Variants in GRID1 observed in about 807,000 individuals in gnomAD.
GRID1 encodes the protein glutamate ionotropic receptor delta type subunit 1.
A neutral mutation model predicts 98.0 loss-of-function variants in GRID1; 28 were observed. That is an observed-to-expected ratio of 0.29 (90% confidence interval 0.21 to 0.39). GRID1 has a LOEUF of 0.39. Among genes scored for constraint, GRID1 ranks in the 10% least tolerant of loss-of-function variants. GRID1 has a pLI of 1.00. For synonymous variants in GRID1, 553 were observed against 538.5 expected (o/e 1.03, Z -0.37); for missense variants, 1,111 against 1,340.5 (o/e 0.83, Z 2.67).
At chr10:85,868,762 T>A (rs1444661613) in intron 6 of GRID1, among the ~76,000 whole-genome samples, 1 of 152,212 alleles carries the variant, frequency 6.6e-6, no homozygotes, top group Non-Finnish European at 1.5e-5. Flanking sequence ...TTACCCTCTA[T>A]GCATGTGACT....
intron 4 of GRID1, among the ~76,000 whole-genome samples, chr10:85,937,782 G>C (rs906832940): frequency 6.6e-6 from 1 of 150,928 alleles, no homozygotes; most frequent in African/African-American, 2.5e-5. Flanking sequence ...CAAATGGGTA[G>C]AGGTCAGGAA....
intron 2 of GRID1, among the ~76,000 whole-genome samples, chr10:86,343,474 A>T (rs1270731807): frequency 6.6e-6 from 1 of 152,228 alleles, no homozygotes; most frequent in African/African-American, 2.4e-5. Context: ...AATTACTGTA[A>T]AATTATGAAT....
At chr10:86,345,720 G>A (rs145088467) in intron 2 of GRID1, among the ~76,000 whole-genome samples, 3 of 152,234 alleles carry the variant, frequency 2.0e-5, no homozygotes, top group East Asian at 1.9e-4. Flanking sequence ...GAGCCCCAGC[G>A]ATGTCCCCTC....
At position 85,916,113 on chromosome 10, in the gene GRID1, G is replaced by C; in HGVS notation, c.780+73C>G. On this transcript the variant is annotated intron_variant, in intron 5 of 15. Transcript: ENST00000327946. The surrounding 1 kb of genome is among the most constrained non-coding windows in gnomAD (Gnocchi z 4.0). ...CCCTAAGTCAGAATTGAACTGAAAAGAATCACACTGAGCTTTACAAGGGGC... is the reference window on the plus strand; with the variant it reads ...CCCTAAGTCAGAATTGAACTGAAAACAATCACACTGAGCTTTACAAGGGGC... 1 of 1,153,984 alleles carries C rather than the reference G, an allele frequency of 8.7e-7. No homozygotes were observed. The highest frequency in any genetic ancestry group is 1.3e-6 in the Non-Finnish European group (1 of 767,982). The allele number at this position is 1,153,984 out of a possible 1,614,324, so 71.5% of individuals were successfully genotyped here.
At chr10:86,336,831 T>G (rs1848228217) in intron 2 of GRID1, among the ~76,000 whole-genome samples, 1 of 149,304 alleles carries the variant, frequency 6.7e-6, no homozygotes, top group Non-Finnish European at 1.5e-5. Context: ...TGAGCCCTGC[T>G]GACTGCCTGG....
At chr10:85,772,004 A>G (rs1462543874) in intron 8 of GRID1, among the ~76,000 whole-genome samples, 1 of 152,168 alleles carries the variant, frequency 6.6e-6, no homozygotes, top group Non-Finnish European at 1.5e-5. Context: ...TCCACCCCAA[A>G]TCAACAGAAT....
intron 5 of GRID1, among the ~76,000 whole-genome samples, chr10:85,906,658 A>C (rs778885709): frequency 6.6e-6 from 1 of 152,222 alleles, no homozygotes; most frequent in Non-Finnish European, 1.5e-5. Context: ...CATGGGTCAA[A>C]GAAGGAATCC....
chr10:85,681,701 C>A (rs1472249344), intron 12 of GRID1, among the ~76,000 whole-genome samples: 1 of 152,166 alleles, frequency 6.6e-6, no homozygotes, highest in Non-Finnish European at 1.5e-5. Flanking sequence ...ACCTTCAGCC[C>A]ACGCACCTGA....
rs368436019 is a variant in GRID1 at position 86,254,122 on chromosome 10, T to C, written c.236-47474A>G. 2.0e-5 allele frequency among the ~76,000 whole-genome samples: 3 copies of C among 152,290 alleles called. No individual in the cohort carries two copies. In the East Asian group the frequency reaches 5.8e-4, roughly 29 times the overall value. On this transcript the variant is annotated intron_variant, in intron 2 of 15. Coordinates refer to ENST00000327946, the MANE Select transcript of GRID1 (RefSeq NM_017551.3). ...CACCCTCCTACACCACCTATGTGCATGACAGCAAACACCTTTCCTTAGCAC... is the reference window on the plus strand; with the variant it reads ...CACCCTCCTACACCACCTATGTGCACGACAGCAAACACCTTTCCTTAGCAC...
rs984191522 is a variant in GRID1 at position 85,600,099 on chromosome 10, G to A, written c.*2174C>T. On this transcript the variant is annotated 3_prime_UTR_variant, in exon 16 of 16. Transcript: ENST00000327946. ...GGAAACAGAGTTGGTGTGAGATAAG[G>A]CAGTGAGACCAGAGTTTGATTAAAA... The A allele has an allele frequency of 1.3e-5, 2 of 152,098 alleles. No homozygotes were observed. The highest frequency in any genetic ancestry group is 1.9e-4 in the East Asian group (1 of 5,140). 9.4% of individuals were successfully genotyped at this position (152,098 alleles called of 1,614,324 possible).
chr10:86,109,447 T>G (rs1447839954), intron 4 of GRID1, among the ~76,000 whole-genome samples: 1 of 152,208 alleles, frequency 6.6e-6, no homozygotes, highest in Non-Finnish European at 1.5e-5. Context: ...TGAGGAACAA[T>G]GGCCTGCCTC....
chr10:86,344,540 C>A (rs927919017), intron 2 of GRID1, among the ~76,000 whole-genome samples: 4 of 152,168 alleles, frequency 2.6e-5, no homozygotes, highest in African/African-American at 9.7e-5. Flanking sequence ...CCTCTGAGGC[C>A]GTGGTGGTCT....
intron 13 of GRID1, among the ~76,000 whole-genome samples, chr10:85,629,183 T>C (rs1293238422): frequency 6.6e-6 from 1 of 152,220 alleles, no homozygotes; most frequent in African/African-American, 2.4e-5. Context: ...TAATTTTGCA[T>C]CTCAAAAAGG....
chr10:85,985,314 T>C (rs1842595592), intron 4 of GRID1, among the ~76,000 whole-genome samples: 1 of 152,220 alleles, frequency 6.6e-6, no homozygotes, highest in South Asian at 2.1e-4. Context: ...GCCACTCTGA[T>C]TGAAAGTCCA....
intron 8 of GRID1, among the ~76,000 whole-genome samples, chr10:85,774,095 C>T (rs1169459292): frequency 1.3e-5 from 2 of 152,144 alleles, no homozygotes; most frequent in Admixed American, 6.5e-5. Context: ...CTACAGTCAC[C>T]AAAACAGCAT....
intron 8 of GRID1, among the ~76,000 whole-genome samples, chr10:85,785,062 T>C (rs11812538): frequency 0.13 from 19,998 of 152,214 alleles, 1,480 homozygotes; most frequent in Middle Eastern, 0.22. Context: ...CAGCATGGCT[T>C]CTGAACCAGT....
chr10:85,974,245 G>T lies in GRID1; in HGVS notation c.727-58006C>A, dbSNP rs117055644. Among the ~76,000 whole-genome samples the T allele has an allele frequency of 1.9e-3, 296 of 152,186 alleles. 2 individuals carry two copies. Among genetic ancestry groups the T allele is most frequent in the Non-Finnish European group, 3.2e-3 (215 of 68,028 alleles). ...AGTCAATATTTAGGAAAGAAATACC[G>T]AGGGAAAGTCACACAAAGCCCAAGC... On this transcript the variant is annotated intron_variant, in intron 4 of 15. Transcript: ENST00000327946.
intron 8 of GRID1, among the ~76,000 whole-genome samples, chr10:85,769,282 C>A (rs1590223283): frequency 6.6e-6 from 1 of 152,230 alleles, no homozygotes; most frequent in Non-Finnish European, 1.5e-5. Context: ...ACTGCATGTT[C>A]TCACTCATAA....
At chr10:85,997,716 A>C (rs902338704) in intron 4 of GRID1, among the ~76,000 whole-genome samples, 4 of 152,242 alleles carry the variant, frequency 2.6e-5, no homozygotes, top group Admixed American at 6.5e-5. Flanking sequence ...GTAAATCTAA[A>C]GAAATTACTA....
Sources: gnomAD v4.1 joint callset for allele counts (sites outside exome capture counted in the v4.1 genomes callset) on GRCh38, gnomAD v4.1.1 for gene constraint, Gnocchi (gnomAD v3.1) non-coding constraint, MANE v1.5 for transcripts, NCBI Gene and HGNC (gene_info 2026-07-23, HGNC 2026-07-21) for gene names.